The following MID1 variants were observed in gnomAD, a reference collection of about 807,000 sequenced individuals.
MID1 encodes the protein E3 ubiquitin-protein ligase Midline-1.
In MID1, 7 loss-of-function variants were observed where a neutral mutation model predicts 40.4. The observed-to-expected ratio is 0.17, with a 90% CI of 0.10 to 0.33. MID1 has a LOEUF of 0.33. MID1 is among the 10% of genes least tolerant of loss of function. MID1 has a pLI of 1.00. For missense variants in MID1, 367 were observed against 558.5 expected (o/e 0.66, Z 3.46); for synonymous variants, 229 against 221.2 (o/e 1.04, Z -0.31).
chrX:10,700,042 G>A (rs1034003757), intron 1 of MID1, among the ~76,000 whole-genome samples: 75 of 110,051 alleles, frequency 6.8e-4, no homozygotes, highest in Non-Finnish European at 1.3e-3. Flanking sequence ...GGCTGGTCTC[G>A]AACTCCCGAC....
At chrX:10,823,258 T>C (rs1212773370) in intron 1 of MID1, among the ~76,000 whole-genome samples, 1 of 111,304 alleles carries the variant, frequency 9.0e-6, no homozygotes, top group African/African-American at 3.3e-5. Context: ...CGCTTATACA[T>C]GCTAACTGAA....
chrX:10,639,558 G>A (rs185959053), intron 1 of MID1, among the ~76,000 whole-genome samples: 137 of 111,929 alleles, frequency 1.2e-3, no homozygotes, highest in African/African-American at 4.2e-3. Context: ...TGAAAGTGAC[G>A]GGGAGAATGG....
At chrX:10,479,709 T>C (rs1240056449) in intron 5 of MID1, among the ~76,000 whole-genome samples, 1 of 112,312 alleles carries the variant, frequency 8.9e-6, no homozygotes, top group Non-Finnish European at 1.9e-5. Context: ...CTCCATTGTA[T>C]ATATGTACCA....
intron 2 of MID1, among the ~76,000 whole-genome samples, chrX:10,536,771 A>G (rs1017434860): frequency 1.8e-5 from 2 of 112,433 alleles, no homozygotes; most frequent in Admixed American, 9.4e-5. Flanking sequence ...ACAGAAAGAG[A>G]GGAAAAGCTA....
At chrX:10,669,225 C>CAAAA (rs1350249196) in intron 1 of MID1, among the ~76,000 whole-genome samples, 70 of 33,936 alleles carry the variant, frequency 2.1e-3, no homozygotes, top group African/African-American at 0.01. Context: ...GACTCCGTCT[C>CAAAA]AAAATAAAAA....
At chrX:10,644,806 A>G (rs1936245068) in intron 1 of MID1, among the ~76,000 whole-genome samples, 1 of 111,737 alleles carries the variant, frequency 8.9e-6, no homozygotes. Flanking sequence ...TTTCAAACTC[A>G]GAAAGTGTAA....
At chrX:10,748,123 A>G (rs2043572335) in intron 1 of MID1, among the ~76,000 whole-genome samples, 2 of 110,811 alleles carry the variant, frequency 1.8e-5, no homozygotes, top group Admixed American at 1.9e-4. Flanking sequence ...TTTGTTGACA[A>G]CTGGCTCCAG....
At chrX:10,575,571 C>CT (rs1934849573) in intron 1 of MID1, among the ~76,000 whole-genome samples, 1 of 111,510 alleles carries the variant, frequency 9.0e-6, no homozygotes, top group Non-Finnish European at 1.9e-5. Context: ...TAGTATTTGA[C>CT]TTTGAGTGAT....
intron 1 of MID1, among the ~76,000 whole-genome samples, chrX:10,713,267 T>G (rs969659180): frequency 1.8e-5 from 2 of 111,288 alleles, no homozygotes; most frequent in African/African-American, 6.5e-5. Flanking sequence ...TCAAAACCAC[T>G]GCTTTAGCTG....
chrX:10,449,340 C>T lies in MID1; in HGVS notation c.*28G>A. 1 of 1,160,515 alleles carries T rather than the reference C, an allele frequency of 8.6e-7. No homozygotes were observed. The highest frequency in any genetic ancestry group is 1.2e-6 in the Non-Finnish European group (1 of 851,136). On this transcript the variant is annotated 3_prime_UTR_variant, in exon 10 of 10. Coordinates refer to ENST00000317552, the MANE Select transcript of MID1 (RefSeq NM_000381.4). ...TAGTGGCCTGAACCTTACTGTTCCCCAGAAAGCAGCTCCATGTGGCCAGAC... is the reference window on the plus strand; with the variant it reads ...TAGTGGCCTGAACCTTACTGTTCCCTAGAAAGCAGCTCCATGTGGCCAGAC...
At chrX:10,496,962 A>T (rs1931284616) in intron 3 of MID1, among the ~76,000 whole-genome samples, 2 of 112,633 alleles carry the variant, frequency 1.8e-5, no homozygotes, top group African/African-American at 3.2e-5. Context: ...TTTAATGAAC[A>T]AAGAGAAAAA....
chrX:10,541,134 C>G (rs1933453753), intron 2 of MID1, among the ~76,000 whole-genome samples: 1 of 112,279 alleles, frequency 8.9e-6, no homozygotes, highest in Non-Finnish European at 1.9e-5. Context: ...TGCAATAGGT[C>G]TAAGCTATCT....
intron 5 of MID1, among the ~76,000 whole-genome samples, chrX:10,477,530 T>C (rs111783987): frequency 0.022 from 2,435 of 112,142 alleles, 49 homozygotes; most frequent in African/African-American, 0.076. Flanking sequence ...CTAATTGGAG[T>C]GACAGGCAAG....
At chrX:10,451,630 G>A (rs1165745196) in intron 9 of MID1, among the ~76,000 whole-genome samples, 1 of 111,745 alleles carries the variant, frequency 8.9e-6, no homozygotes, top group Non-Finnish European at 1.9e-5. Flanking sequence ...GGACCCGGTG[G>A]AAGGAAATTG....
At chrX:10,703,781 T>C (rs1236420397) in intron 1 of MID1, among the ~76,000 whole-genome samples, 2 of 112,529 alleles carry the variant, frequency 1.8e-5, no homozygotes, top group East Asian at 5.5e-4. Flanking sequence ...TAAGATGTGA[T>C]TGAAGAATTT....
chrX:10,726,823 G>A (rs189497917), intron 1 of MID1, among the ~76,000 whole-genome samples: 25 of 112,658 alleles, frequency 2.2e-4, no homozygotes, highest in African/African-American at 8.0e-4. Context: ...GGTTAGTGTG[G>A]GCCAAGGAGC....
chrX:10,746,319 C>T (rs939081877), intron 1 of MID1, among the ~76,000 whole-genome samples: 1 of 111,752 alleles, frequency 8.9e-6, no homozygotes, highest in Admixed American at 9.5e-5. Flanking sequence ...GACTTGATAC[C>T]TTATGGCCAC....
At chrX:10,673,454 T>C (rs1012415805) in intron 1 of MID1, among the ~76,000 whole-genome samples, 3 of 112,138 alleles carry the variant, frequency 2.7e-5, no homozygotes, top group Non-Finnish European at 3.8e-5. Context: ...AAATCTAAAA[T>C]ACTGTATTCT....
intron 2 of MID1, among the ~76,000 whole-genome samples, chrX:10,561,321 G>A (rs1934329712): frequency 9.6e-6 from 1 of 103,905 alleles, no homozygotes; most frequent in Non-Finnish European, 1.9e-5. Flanking sequence ...AGGATCTCAT[G>A]ACTAAAACAC....
Sources: gnomAD v4.1 joint callset for allele counts (sites outside exome capture counted in the v4.1 genomes callset) on GRCh38, gnomAD v4.1.1 for gene constraint, MANE v1.5 for transcripts, NCBI Gene and HGNC (gene_info 2026-07-23, HGNC 2026-07-21) for gene names.